PTPRE: variants seen among roughly 807,000 people sequenced by gnomAD.
The protein encoded by PTPRE is protein tyrosine phosphatase receptor type E.
PTPRE carries 51 observed loss-of-function variants against 102.0 expected under a neutral mutation model. The ratio of observed to expected loss-of-function variants is 0.50; its 90% confidence interval spans 0.40 to 0.63. The LOEUF is 0.63. Ranked by LOEUF, PTPRE falls within the 30% of genes least tolerant of loss-of-function variation. The probability of loss-of-function intolerance (pLI) is 0.00; values close to 1 mark genes in which losing one functional copy is unlikely to be tolerated. For synonymous variants in PTPRE, 345 were observed against 348.2 expected (o/e 0.99, Z 0.10); for missense variants, 752 against 915.1 (o/e 0.82, Z 2.30).
chr10:128,060,878 A>G lies in PTPRE; in HGVS notation c.512-61A>G, dbSNP rs936984679. The G allele has an allele frequency of 1.5e-5, 23 of 1,518,266 alleles. No individual in the cohort carries two copies. The African/African-American group carries it at 2.5e-4, about 16-fold the overall frequency. The allele number at this position is 1,518,266 out of a possible 1,614,324, so 94.0% of individuals were successfully genotyped here. ...GAAGAGACAGCACTGTGATTTCTGGAAGAGACAGCACTGTGATTCCTGGTC... is the reference window on the plus strand; with the variant it reads ...GAAGAGACAGCACTGTGATTTCTGGGAGAGACAGCACTGTGATTCCTGGTC... On this transcript the variant is annotated intron_variant, in intron 7 of 20. Coordinates refer to ENST00000254667, the MANE Select transcript of PTPRE (RefSeq NM_006504.6).
At chr10:127,981,264 C>A (rs1851587054) in intron 1 of PTPRE, among the ~76,000 whole-genome samples, 1 of 152,158 alleles carries the variant, frequency 6.6e-6, no homozygotes, top group Admixed American at 6.5e-5. Context: ...ATAGGCCAAT[C>A]CATAAAGACA....
chr10:128,077,505 C>A, intron 18 of PTPRE, 112 bp from the exon 19 acceptor site: 3 of 1,357,756 alleles, frequency 2.2e-6, no homozygotes, highest in Non-Finnish European at 3.0e-6. Flanking sequence ...GTTGGCAGCA[C>A]AGAAGGCTCA....
At chr10:128,071,805 G>T (rs756339587) in intron 15 of PTPRE, 1 of 206,054 alleles carries the variant, frequency 4.9e-6, no homozygotes, top group Non-Finnish European at 9.8e-6. Context: ...CTGGGGCCCC[G>T]GTGTCCTGCT....
At chr10:128,057,402 C>T (rs1382276441) in intron 7 of PTPRE, among the ~76,000 whole-genome samples, 1 of 152,108 alleles carries the variant, frequency 6.6e-6, no homozygotes, top group African/African-American at 2.4e-5. Context: ...CAAAGGGAGT[C>T]CATCCCACCC....
At chr10:127,977,932 C>T (rs1171591301) in intron 1 of PTPRE, among the ~76,000 whole-genome samples, 1 of 152,194 alleles carries the variant, frequency 6.6e-6, no homozygotes, top group Admixed American at 6.5e-5. Context: ...TCCAGGGACT[C>T]ACCAGCCAAA....
At chr10:128,052,453 T>C (rs1848632167) in intron 6 of PTPRE, among the ~76,000 whole-genome samples, 1 of 152,224 alleles carries the variant, frequency 6.6e-6, no homozygotes, top group South Asian at 2.1e-4. Flanking sequence ...AATTAACCTC[T>C]GCCTGTTTCC....
chr10:127,995,296 G>A (rs1853133080), intron 2 of PTPRE, among the ~76,000 whole-genome samples: 1 of 152,250 alleles, frequency 6.6e-6, no homozygotes. Context: ...GTGTCCACTT[G>A]TGAGATAAAC....
chr10:128,077,872 G>T (rs149016927), intron 19 of PTPRE, 89 bp downstream of exon 19: 20 of 1,424,772 alleles, frequency 1.4e-5, no homozygotes, highest in Non-Finnish European at 1.8e-5. Context: ...GAGCCTGGTC[G>T]CTGCCCCTGG....
At chr10:127,969,315 A>T (rs1403214640) in intron 1 of PTPRE, among the ~76,000 whole-genome samples, 1 of 152,154 alleles carries the variant, frequency 6.6e-6, no homozygotes, top group African/African-American at 2.4e-5. Context: ...TGGGCTCGGG[A>T]CGTGGAGAGG....
intron 2 of PTPRE, among the ~76,000 whole-genome samples, chr10:128,033,504 G>A (rs1846946148): frequency 6.6e-6 from 1 of 152,200 alleles, no homozygotes; most frequent in African/African-American, 2.4e-5. Flanking sequence ...AATGTCACAG[G>A]AAAGGCAGTG....
chr10:127,994,876 T>C (rs1262577382), intron 2 of PTPRE, among the ~76,000 whole-genome samples: 1 of 152,106 alleles, frequency 6.6e-6, no homozygotes, highest in Non-Finnish European at 1.5e-5. Context: ...CTGATAGCAG[T>C]TCTCTCCCCA....
chr10:127,925,526 C>T (rs1846939757), intron 1 of PTPRE, among the ~76,000 whole-genome samples: 1 of 152,140 alleles, frequency 6.6e-6, no homozygotes, highest in Non-Finnish European at 1.5e-5. Context: ...AATAGTGAAG[C>T]TGGAGAACAA....
At chr10:128,012,545 T>C (rs1845107741) in intron 2 of PTPRE, among the ~76,000 whole-genome samples, 1 of 152,206 alleles carries the variant, frequency 6.6e-6, no homozygotes, top group African/African-American at 2.4e-5. Context: ...AGCTTTGTCC[T>C]AACAGCTGTG....
At chr10:128,066,025 A>C (rs1191025043) in intron 10 of PTPRE, 50 bp from the exon 11 acceptor site, 2 of 1,613,808 alleles carry the variant, frequency 1.2e-6, no homozygotes, top group Non-Finnish European at 1.7e-6. Flanking sequence ...GGATGTCATG[A>C]TGCATTGCAC....
At chr10:128,082,195 C>CTCTCTTTTTTTTTTTTTTTTT (rs1554951767) in intron 20 of PTPRE, among the ~76,000 whole-genome samples, 5 of 89,064 alleles carry the variant, frequency 5.6e-5, no homozygotes, top group African/African-American at 4.5e-5. Flanking sequence ...TTTTCTCTTT[C>CTCTCTTTTTTTTTTTTTTTTT]TTTTTTTTTT....
rs1419053453 is a variant in PTPRE at position 128,084,966 on chromosome 10, G to T, written c.*2060G>T. 15 of 347,836 alleles carry T rather than the reference G, an allele frequency of 4.3e-5. No individual in the cohort carries two copies. Among genetic ancestry groups the T allele is most frequent in the South Asian group, 3.2e-4 (15 of 46,834 alleles). The allele number at this position is 347,836 out of a possible 1,614,324, so 21.5% of individuals were successfully genotyped here. On this transcript the variant is annotated 3_prime_UTR_variant, in exon 21 of 21. Transcript: ENST00000254667. The stretch of plus-strand genomic sequence containing the variant: ...TACCTTTAAGGTAGACCTTTTCAGG[G>T]TGCCCTCAGGAAAGGGCCCTGCTCA...
intron 1 of PTPRE, among the ~76,000 whole-genome samples, chr10:127,972,673 G>T (rs751238691): frequency 6.6e-6 from 1 of 152,200 alleles, no homozygotes; most frequent in Non-Finnish European, 1.5e-5. Flanking sequence ...ATGTGTAGTG[G>T]CCATTGAAGC....
chr10:128,067,022 GCACGCACATGCACATACTCC>G (rs1384560981), intron 11 of PTPRE, among the ~76,000 whole-genome samples: 1 of 132,490 alleles, frequency 7.5e-6, no homozygotes, highest in Non-Finnish European at 1.6e-5. Flanking sequence ...CCACACACAG[GCACGCACATGCACATACTCC>G]CACACACATG....
chr10:127,973,981 C>T (rs140829153), intron 1 of PTPRE, among the ~76,000 whole-genome samples: 1,726 of 152,350 alleles, frequency 0.011, 12 homozygotes, highest in Middle Eastern at 0.037. Flanking sequence ...GCATCTGGAC[C>T]ACAGGTGTGG....
Sources: allele counts gnomAD v4.1 joint callset (sites outside exome capture counted in the v4.1 genomes callset), GRCh38; gene constraint gnomAD v4.1.1; transcripts MANE v1.5; gene names NCBI Gene and HGNC (gene_info 2026-07-23, HGNC 2026-07-21).